CREB5: variants seen among roughly 807,000 people sequenced by gnomAD.
The protein encoded by CREB5 is cAMP responsive element binding protein 5.
CREB5 carries 19 observed loss-of-function variants against 57.1 expected under a neutral mutation model. That is an observed-to-expected ratio of 0.33 (90% confidence interval 0.23 to 0.49). The LOEUF (loss-of-function observed/expected upper bound fraction) is 0.49, where lower values mean the gene tolerates loss of function less well. Among genes scored for constraint, CREB5 ranks in the 20% least tolerant of loss-of-function variants. CREB5 has a pLI of 0.99. For missense variants in CREB5, 579 were observed against 671.6 expected, an observed-to-expected ratio of 0.86 and a Z score of 1.52; for synonymous variants, 238 against 238.3, an observed-to-expected ratio of 1.00 and a Z score of 0.01.
chr7:28,560,871 T>TGCGCGTGCGTGTGTGCGCGTGTGC (rs1795123881), intron 4 of CREB5, among the ~76,000 whole-genome samples: 1 of 38,006 alleles, frequency 2.6e-5, no homozygotes, highest in Non-Finnish European at 5.0e-5. Context: ...TGTGCCTGCG[T>TGCGCGTGCGTGTGTGCGCGTGTGC]GCGCGTGCGT....
intron 4 of CREB5, among the ~76,000 whole-genome samples, chr7:28,515,431 C>T (rs147324488): frequency 3.6e-4 from 55 of 152,296 alleles, no homozygotes; most frequent in Non-Finnish European, 5.9e-4. Flanking sequence ...ATTCCTTTAT[C>T]GTACATCTAG....
At chr7:28,673,871 A>G (rs1447653065) in intron 5 of CREB5, among the ~76,000 whole-genome samples, 1 of 151,898 alleles carries the variant, frequency 6.6e-6, no homozygotes, top group African/African-American at 2.4e-5. Flanking sequence ...ACGGGGTCTC[A>G]TCATGTTGGC....
intron 1 of CREB5, among the ~76,000 whole-genome samples, chr7:28,381,478 C>T (rs1377708607): frequency 2.6e-5 from 4 of 152,182 alleles, no homozygotes; most frequent in Non-Finnish European, 4.4e-5. Context: ...ATGTAGCTTT[C>T]GGACTTTGAT....
At chr7:28,486,804 C>T (rs1791575124) in intron 1 of CREB5, among the ~76,000 whole-genome samples, 3 of 150,326 alleles carry the variant, frequency 2.0e-5, no homozygotes, top group Non-Finnish European at 3.0e-5. Context: ...CTAAGGTATG[C>T]ACCTTAGAAT....
At chr7:28,405,784 G>A (rs1009578711) in intron 1 of CREB5, among the ~76,000 whole-genome samples, 19 of 152,148 alleles carry the variant, frequency 1.2e-4, no homozygotes, top group African/African-American at 3.1e-4. Flanking sequence ...TTTCTTCTCC[G>A]TCATCAGCTT....
intron 5 of CREB5, among the ~76,000 whole-genome samples, chr7:28,715,046 T>C (rs1802600046): frequency 6.6e-6 from 1 of 152,178 alleles, no homozygotes; most frequent in East Asian, 1.9e-4. Context: ...TTGGGAAGTT[T>C]TGTTTTGTTT....
At chr7:28,410,592 T>G (rs1415435539), upstream of CREB5, 4 of 455,096 alleles carry the variant, frequency 8.8e-6, no homozygotes, top group Admixed American at 9.4e-5. Flanking sequence ...TCCCCAACTT[T>G]CCCTGGACCG....
intron 7 of CREB5, among the ~76,000 whole-genome samples, chr7:28,727,641 T>G (rs1462025059): frequency 1.3e-5 from 2 of 152,180 alleles, no homozygotes; most frequent in Admixed American, 6.5e-5. Flanking sequence ...TGTTTTTATT[T>G]TAAAGAAACC....
intron 5 of CREB5, among the ~76,000 whole-genome samples, chr7:28,636,376 A>T (rs141304825): frequency 1.7e-3 from 266 of 152,262 alleles, no homozygotes; most frequent in Middle Eastern, 0.014. Context: ...ATTGGCAGGG[A>T]TTATCAACAC....
rs188968688 is a variant in CREB5 at position 28,795,221 on chromosome 7, A to G, written c.703-8978A>G. The stretch of plus-strand genomic sequence containing the variant: ...TACATATATGTTAGCCCCAAGCTAT[A>G]TCTCCTCTAAGCTGCTTTGGATAGT... On this transcript the variant is annotated intron_variant, in intron 7 of 10. Transcript: ENST00000357727. Among the ~76,000 whole-genome samples, 18 of 152,322 alleles carry G rather than the reference A, an allele frequency of 1.2e-4. No homozygotes were observed. The East Asian group carries it at 2.9e-3, about 24-fold the overall frequency.
At chr7:28,437,129 T>TTTA (rs1473800504) in intron 1 of CREB5, among the ~76,000 whole-genome samples, 4 of 152,158 alleles carry the variant, frequency 2.6e-5, no homozygotes, top group Non-Finnish European at 5.9e-5. Flanking sequence ...GATGAGCACC[T>TTTA]GTTAAGGGCC....
intron 1 of CREB5, among the ~76,000 whole-genome samples, chr7:28,338,031 T>C (rs1315151569): frequency 6.6e-6 from 1 of 152,186 alleles, no homozygotes; most frequent in Non-Finnish European, 1.5e-5. Flanking sequence ...CCCCTACTTT[T>C]TAACTTTATG....
intron 7 of CREB5, among the ~76,000 whole-genome samples, chr7:28,743,301 G>T (rs1288098128): frequency 6.6e-6 from 1 of 152,160 alleles, no homozygotes; most frequent in Non-Finnish European, 1.5e-5. Flanking sequence ...GGGAGGCTAA[G>T]ATAGAAGGAT....
At chr7:28,522,190 T>C (rs1434432809) in intron 4 of CREB5, among the ~76,000 whole-genome samples, 3 of 152,204 alleles carry the variant, frequency 2.0e-5, no homozygotes, top group Admixed American at 6.5e-5. Flanking sequence ...AGATTGAGTA[T>C]ATAGGACTGT....
chr7:28,731,338 C>A (rs911558901), intron 7 of CREB5, among the ~76,000 whole-genome samples: 7 of 152,106 alleles, frequency 4.6e-5, no homozygotes, highest in Non-Finnish European at 7.3e-5. Flanking sequence ...ATTTATATTT[C>A]TACAGAAAAG....
intron 4 of CREB5, among the ~76,000 whole-genome samples, chr7:28,562,787 T>C (rs1795328723): frequency 6.6e-6 from 1 of 152,280 alleles, no homozygotes; most frequent in Non-Finnish European, 1.5e-5. Context: ...ATTAGTGGTA[T>C]GCCAGATATA....
chr7:28,451,463 TG>T (rs1256014763), intron 1 of CREB5, among the ~76,000 whole-genome samples: 2 of 85,224 alleles, frequency 2.3e-5, no homozygotes, highest in Admixed American at 1.4e-4. Flanking sequence ...TGTGTGTGTG[TG>T]TGTGTGTGTG....
intron 1 of CREB5, among the ~76,000 whole-genome samples, chr7:28,415,506 A>G (rs1266785878): frequency 6.6e-6 from 1 of 152,256 alleles, no homozygotes; most frequent in Non-Finnish European, 1.5e-5. Flanking sequence ...TTTGGAATGA[A>G]CACCTTAATC....
chr7:28,691,445 T>A (rs1801253381), intron 5 of CREB5, among the ~76,000 whole-genome samples: 1 of 150,958 alleles, frequency 6.6e-6, no homozygotes, highest in African/African-American at 2.4e-5. Context: ...AAAAAAAGTT[T>A]GTATTTGCAA....
Sources: gnomAD v4.1 joint callset for allele counts (sites outside exome capture counted in the v4.1 genomes callset) on GRCh38, gnomAD v4.1.1 for gene constraint, MANE v1.5 for transcripts, NCBI Gene and HGNC (gene_info 2026-07-23, HGNC 2026-07-21) for gene names.